HIF3A: variants seen among roughly 807,000 people sequenced by gnomAD.
The protein encoded by HIF3A is hypoxia-inducible factor 3-alpha.
Under a neutral mutation model 67.2 loss-of-function variants are expected in HIF3A, and 41 were observed. The ratio of observed to expected loss-of-function variants is 0.61; its 90% CI spans 0.48 to 0.79. HIF3A has a LOEUF of 0.79. Ranked by LOEUF, HIF3A falls within the 30% of genes least tolerant of loss-of-function variation. The pLI is 0.00. For synonymous variants in HIF3A, 356 were observed against 374.8 expected, an observed-to-expected ratio of 0.95 and a Z score of 0.58; for missense variants, 855 against 898.0, an observed-to-expected ratio of 0.95 and a Z score of 0.61.
Position 46,307,388 on chromosome 19 carries a change from G to A in HIF3A, c.364-833G>A, listed in dbSNP as rs1968947469. Among the ~76,000 whole-genome samples, 11 of 152,116 alleles carry A rather than the reference G, an allele frequency of 7.2e-5. No individual in the cohort carries two copies. The South Asian group carries it at 2.3e-3, about 32-fold the overall frequency. ...AGGCCAAGGTGGGAGGATCACTTGAGCTCAGGAGTTTGAGACCAGCCTGGG... is the reference window on the plus strand; with the variant it reads ...AGGCCAAGGTGGGAGGATCACTTGAACTCAGGAGTTTGAGACCAGCCTGGG... On this transcript the variant is annotated intron_variant, in intron 3 of 14. Transcript: ENST00000377670.
intron 12 of HIF3A, among the ~76,000 whole-genome samples, chr19:46,330,619 G>GTGGA (rs990380295): frequency 9.9e-5 from 15 of 151,094 alleles, no homozygotes; most frequent in South Asian, 2.1e-4. Flanking sequence ...TGCATGGATG[G>GTGGA]TGGATGGATG....
intron 2 of HIF3A, among the ~76,000 whole-genome samples, chr19:46,304,343 C>T (rs917219818): frequency 1.3e-5 from 2 of 151,956 alleles, no homozygotes; most frequent in African/African-American, 4.8e-5. Flanking sequence ...CCCTGGAACG[C>T]GCCCTTTGGA....
Position 46,331,179 on chromosome 19 carries a change from A to T in HIF3A, c.1736A>T (p.Asp579Val). The change falls in exon 13 of 15, where the codon GAC becomes GTC. Residue 579 changes from aspartate (D) to valine (V), a missense_variant. Physicochemically the swap from Asp to Val is radical, Grantham distance 152. Transcript: ENST00000377670. ...AGGACCCTGGCCCAGAGCTCAGAGGACGAGGACGAGGGAGTGGAGCTGCTG... is the reference window on the plus strand; with the variant it reads ...AGGACCCTGGCCCAGAGCTCAGAGGTCGAGGACGAGGGAGTGGAGCTGCTG... ...RKRTLAQSSE[D>V]EDEGVELLGV... 1 of 1,613,752 alleles carries T rather than the reference A, an allele frequency of 6.2e-7. No individual in the cohort carries two copies. The highest frequency in any genetic ancestry group is 1.3e-5 in the African/African-American group (1 of 75,008).
intron 10 of HIF3A, among the ~76,000 whole-genome samples, chr19:46,324,985 T>TTGTGTG (rs542186240): frequency 0.04 from 5,157 of 127,856 alleles, 305 homozygotes; most frequent in African/African-American, 0.13. Context: ...CACACATATA[T>TTGTGTG]TGTGTGTGTG....
chr19:46,338,395 G>C (rs982947007), intron 14 of HIF3A: 1 of 393,032 alleles, frequency 2.5e-6, no homozygotes, highest in African/African-American at 2.1e-5. Context: ...TAGAGACGAG[G>C]TTTCACCATG....
intron 11 of HIF3A, among the ~76,000 whole-genome samples, chr19:46,327,185 G>C (rs1349382447): frequency 1.3e-5 from 2 of 151,724 alleles, no homozygotes; most frequent in South Asian, 2.1e-4. Flanking sequence ...TAAAAATAGA[G>C]ACAGGGTCTC....
intron 1 of HIF3A, among the ~76,000 whole-genome samples, chr19:46,302,586 G>A (rs1968437019): frequency 6.6e-6 from 1 of 152,144 alleles, no homozygotes; most frequent in African/African-American, 2.4e-5. Flanking sequence ...AATTTTGTAT[G>A]AAAGAGGCCA....
intron 14 of HIF3A, chr19:46,338,412 A>G: frequency 2.3e-6 from 1 of 441,804 alleles, no homozygotes; most frequent in Non-Finnish European, 3.9e-6. Flanking sequence ...CATGTTGCCC[A>G]GGCTGGTCTT....
At chr19:46,310,473 TCCCCC>T in intron 6 of HIF3A, 2 of 340,908 alleles carry the variant, frequency 5.9e-6, no homozygotes, top group Non-Finnish European at 1.2e-5. Flanking sequence ...TCTTTTTCTC[TCCCCC>T]TCTCTTCCTT....
chr19:46,329,016 G>A (rs1159606722), intron 11 of HIF3A, 191 bp from the exon 12 acceptor site: 1 of 488,482 alleles, frequency 2.0e-6, no homozygotes, highest in Middle Eastern at 5.2e-4. Flanking sequence ...GAGCTACCAT[G>A]CTTCTGACCC....
chr19:46,311,018 T>C (rs1342906688), intron 6 of HIF3A, among the ~76,000 whole-genome samples: 1 of 152,236 alleles, frequency 6.6e-6, no homozygotes, highest in Non-Finnish European at 1.5e-5. Context: ...CCCAAAGTGC[T>C]GGGATTACAG....
chr19:46,343,179 GC>G lies in HIF3A; in HGVS notation c.*3559del, dbSNP rs1464558695. 1 of 152,892 alleles carries G rather than the reference GC, an allele frequency of 6.5e-6. No individual in the cohort carries two copies. The highest frequency in any genetic ancestry group is 1.5e-5 in the Non-Finnish European group (1 of 68,308). The allele number at this position is 152,892 out of a possible 1,614,324, so 9.5% of individuals were successfully genotyped here. A position where few individuals can be genotyped will look rare whatever the true frequency, so the allele number is the denominator to read the frequency against. On this transcript the variant is annotated 3_prime_UTR_variant, in exon 15 of 15. Transcript: ENST00000377670. ...TACTCTTGGTCTCCCACAGGAAAAGGCCTCCCCCCTTCTTAGCCCCATTTAC... is the reference window on the plus strand; with the variant it reads ...TACTCTTGGTCTCCCACAGGAAAAGGCTCCCCCCTTCTTAGCCCCATTTAC...
chr19:46,313,404 C>G (rs1969633387), intron 8 of HIF3A: 1 of 698,686 alleles, frequency 1.4e-6, no homozygotes, highest in East Asian at 1.5e-4. Flanking sequence ...AGGAGGATTG[C>G]TAGAGCCTGG....
rs1408037300 is a variant in HIF3A at position 46,304,207 on chromosome 19, G to A, written c.217+119G>A. On this transcript the variant is annotated intron_variant, in intron 2 of 14. Transcript: ENST00000377670. ...TTCTGACAAAGCCCCGCCCCCTGGT[G>A]TCGTTTTTTTCGGCGGAGCCCCACC... The A allele has an allele frequency of 1.0e-5, 8 of 801,632 alleles. No homozygotes were observed. In the Admixed American group the frequency reaches 2.1e-4, roughly 21 times the overall value. 49.7% of individuals were successfully genotyped at this position (801,632 alleles called of 1,614,324 possible). A position where few individuals can be genotyped will look rare whatever the true frequency, so the allele number is the denominator to read the frequency against.
chr19:46,330,610 G>A (rs1971135344), intron 12 of HIF3A, among the ~76,000 whole-genome samples: 1 of 151,508 alleles, frequency 6.6e-6, no homozygotes. Flanking sequence ...ATGGATGGAT[G>A]CATGGATGGT....
intron 14 of HIF3A, among the ~76,000 whole-genome samples, chr19:46,337,785 T>C (rs1971733957): frequency 6.6e-6 from 1 of 152,174 alleles, no homozygotes; most frequent in Non-Finnish European, 1.5e-5. Context: ...CAAATATTAC[T>C]CCTTACACAA....
chr19:46,326,585 C>A lies in HIF3A; in HGVS notation c.1440+946C>A, dbSNP rs182058350. 1.8e-3 allele frequency among the ~76,000 whole-genome samples: 267 copies of A among 152,218 alleles called. 1 individual carries two copies. Among genetic ancestry groups the A allele is most frequent in the African/African-American group, 5.7e-3 (237 of 41,532 alleles). ...CCAAAGTCTCCCAAAGTTTCTTCCC[C>A]TTACAGCATCAGCTTGAAGTCCAGA... On this transcript the variant is annotated intron_variant, in intron 11 of 14. Transcript: ENST00000377670.
chr19:46,305,350 A>T lies in HIF3A; in HGVS notation c.323A>T (p.Tyr108Phe), dbSNP rs1162962361. The T allele has an allele frequency of 6.2e-7, 1 of 1,614,076 alleles. No individual in the cohort carries two copies. The change falls in exon 3 of 15, where the codon TAC becomes TTC. Residue 108 changes from tyrosine (Y) to phenylalanine (F), a missense_variant. Around this residue, in one of 3 missense-constraint regions of HIF3A, gnomAD observed 638 missense variants for 660.5 expected, o/e 0.97. Coordinates refer to ENST00000377670, the MANE Select transcript of HIF3A (RefSeq NM_152795.4). ...CTCACCGCCGAGGGAGACATGGCTT[A>T]CCTGTCGGAGAATGTCAGCAAACAC... ...MVLTAEGDMA[Y>F]LSENVSKHLG...
In HIF3A at chr19:46,312,508, C is replaced by T. The variant is rs999207128; in HGVS notation, c.880C>T (p.Leu294=). The T allele has an allele frequency of 6.2e-7, 1 of 1,613,954 alleles. No homozygotes were observed. Among genetic ancestry groups the T allele is most frequent in the Admixed American group, 1.7e-5 (1 of 59,962 alleles). Residue 294 remains leucine, a splice_region_variant and synonymous_variant, in exon 8 of 15, where the codon CTG becomes TTG. Transcript: ENST00000377670. ...TCCCTCCCGATCCCCCTCCTCAGTG[C>T]TGAGCAAGGGCCAGGCAGTAACAGG... The part of the protein sequence containing the change: ...DAVSKSIHTL[L]SKGQAVTGQY...
Sources: gnomAD v4.1 joint callset for allele counts (sites outside exome capture counted in the v4.1 genomes callset) on GRCh38, gnomAD v4.1.1 for gene constraint, gnomAD v4.1.1 regional missense constraint, MANE v1.5 for transcripts, NCBI Gene and HGNC (gene_info 2026-07-23, HGNC 2026-07-21) for gene names.